SURF4: variants seen among roughly 807,000 people sequenced by gnomAD.
SURF4 encodes surfeit locus protein 4.
Under a neutral mutation model 30.0 loss-of-function variants are expected in SURF4, and 3 were observed. The ratio of observed to expected loss-of-function variants is 0.10; its 90% CI spans 0.05 to 0.26. The LOEUF (loss-of-function observed/expected upper bound fraction) is 0.26, where lower values mean the gene tolerates loss of function less well. Ranked by LOEUF, SURF4 falls within the 10% of genes least tolerant of loss-of-function variation. The pLI, the probability that SURF4 is intolerant of heterozygous loss-of-function variation, is 1.00. For synonymous variants in SURF4, 143 were observed against 139.9 expected, an observed-to-expected ratio of 1.02 and a Z score of -0.16; for missense variants, 217 against 350.8, an observed-to-expected ratio of 0.62 and a Z score of 3.05.
At chr9:133,377,470 A>G (rs2130254365), upstream of SURF4, among the ~76,000 whole-genome samples, 3 of 152,348 alleles carry the variant, frequency 2.0e-5, no homozygotes, top group East Asian at 1.9e-4. Context: ...GTTCAAGACC[A>G]GCCTGACCAA....
chr9:133,376,048 C>A lies in SURF4; in HGVS notation c.-79G>T. Reference sequence around the variant, plus strand: ...CGTCGGCGCCCGCACCCGCTGCGGCCTCCACAGGAAGTGCCCGGCGGCCGG... The same window carrying A: ...CGTCGGCGCCCGCACCCGCTGCGGCATCCACAGGAAGTGCCCGGCGGCCGG... On this transcript the variant is annotated 5_prime_UTR_variant, in exon 1 of 6. It adds an upstream start codon to the 5' untranslated region. Coordinates refer to ENST00000371989, the MANE Select transcript of SURF4 (RefSeq NM_033161.4). 1 of 1,212,076 alleles carries A rather than the reference C, an allele frequency of 8.3e-7. No individual in the cohort carries two copies. Among genetic ancestry groups the A allele is most frequent in the Non-Finnish European group, 1.0e-6 (1 of 974,514 alleles). 75.1% of individuals were successfully genotyped at this position (1,212,076 alleles called of 1,614,324 possible).
At chr9:133,367,483 G>A (rs2130143358) in intron 1 of SURF4, 38 bp from the exon 2 acceptor site, 28 of 1,608,604 alleles carry the variant, frequency 1.7e-5, no homozygotes, top group South Asian at 1.1e-4. Flanking sequence ...AGGTGGCTGC[G>A]GCGGGGAGCA....
chr9:133,364,518 C>T (rs1394451956), intron 5 of SURF4, among the ~76,000 whole-genome samples: 1 of 152,058 alleles, frequency 6.6e-6, no homozygotes, highest in Non-Finnish European at 1.5e-5. Flanking sequence ...CGGTGAAACC[C>T]TGTCTCTACT....
upstream of SURF4, chr9:133,376,639 G>A: frequency 7.5e-7 from 1 of 1,328,376 alleles, no homozygotes; most frequent in South Asian, 1.5e-5. Flanking sequence ...CGGCGGTTCC[G>A]ACCGAGGGCG....
At chr9:133,367,484 G>T in intron 1 of SURF4, 39 bp from the exon 2 acceptor site, 4 of 1,608,462 alleles carry the variant, frequency 2.5e-6, no homozygotes, top group Non-Finnish European at 3.4e-6. Flanking sequence ...GGTGGCTGCG[G>T]CGGGGAGCAC....
intron 1 of SURF4, chr9:133,370,991 A>T: frequency 7.8e-7 from 1 of 1,287,368 alleles, no homozygotes; most frequent in Non-Finnish European, 1.0e-6. Context: ...TATTTCTCTC[A>T]AAGGGGTGGT....
intron 1 of SURF4, among the ~76,000 whole-genome samples, chr9:133,373,099 C>T (rs1438265066): frequency 6.6e-6 from 1 of 152,226 alleles, no homozygotes. Context: ...TAGTGCTCTT[C>T]CCTTGACTTG....
Position 133,364,782 on chromosome 9 carries a change from G to A in SURF4, c.543+58C>T, listed in dbSNP as rs2130108801. 15 of 1,571,266 alleles carry A rather than the reference G, an allele frequency of 9.5e-6. No individual in the cohort carries two copies. The South Asian group carries it at 1.6e-4, about 17-fold the overall frequency. On this transcript the variant is annotated intron_variant, in intron 5 of 5. Transcript: ENST00000371989. ...AGGGAGGGGTGAGCAGGGAGGGGGT[G>A]GGGGAGGGACAGCATTCACAGGAAA...
At position 133,363,979 on chromosome 9, in the gene SURF4, G is replaced by T. The variant is rs1837004060; in HGVS notation, c.544-220C>A. On this transcript the variant is annotated intron_variant, in intron 5 of 5. Transcript: ENST00000371989. The surrounding 1 kb of genome is among the most constrained non-coding windows in gnomAD (Gnocchi z 4.3). ...AAATGTGGAAGGTTTGGGGAAGACT[G>T]AAGTTCCCAACTAGTAACAGGCTGT... 2 of 716,466 alleles carry T rather than the reference G, an allele frequency of 2.8e-6. No homozygotes were observed. Among genetic ancestry groups the T allele is most frequent in the Admixed American group, 2.0e-5 (1 of 48,948 alleles). The allele number at this position is 716,466 out of a possible 1,614,324, so 44.4% of individuals were successfully genotyped here.
intron 1 of SURF4, among the ~76,000 whole-genome samples, chr9:133,374,149 C>T (rs1479765407): frequency 1.3e-5 from 2 of 152,004 alleles, no homozygotes; most frequent in African/African-American, 2.4e-5. Context: ...TAGGGAGCTG[C>T]GACTTGGAGA....
chr9:133,376,561 G>T, upstream of SURF4: 1 of 1,592,574 alleles, frequency 6.3e-7, no homozygotes. Context: ...GAAGTACCAG[G>T]TGCCGAGTGT....
At chr9:133,376,114 A>T (rs1837920868), upstream of SURF4, 1 of 1,202,632 alleles carries the variant, frequency 8.3e-7, no homozygotes, top group Non-Finnish European at 1.0e-6. Flanking sequence ...GCTGCCACGT[A>T]GGCCAAGCCT....
chr9:133,372,078 A>G (rs1837540759), intron 1 of SURF4, among the ~76,000 whole-genome samples: 1 of 152,216 alleles, frequency 6.6e-6, no homozygotes, highest in African/African-American at 2.4e-5. Context: ...AGGCATGGAC[A>G]TTAGTTTGGA....
At position 133,361,920 on chromosome 9, in the gene SURF4, A is replaced by G. The variant is rs1836832176; in HGVS notation, c.*1573T>C. ...CCTGGTGAGGTTGAAACACTGAGAC[A>G]AGCCAGTCTTCATGCAGTGAGCACT... On this transcript the variant is annotated 3_prime_UTR_variant, in exon 6 of 6. Coordinates refer to ENST00000371989, the MANE Select transcript of SURF4 (RefSeq NM_033161.4). The G allele has an allele frequency of 6.6e-6, 1 of 152,282 alleles. No individual in the cohort carries two copies. Among genetic ancestry groups the G allele is most frequent in the Non-Finnish European group, 1.5e-5 (1 of 68,088 alleles). The allele number at this position is 152,282 out of a possible 1,614,324, so 9.4% of individuals were successfully genotyped here.
intron 1 of SURF4, among the ~76,000 whole-genome samples, chr9:133,369,261 G>T (rs1837364690): frequency 6.6e-6 from 1 of 152,172 alleles, no homozygotes; most frequent in African/African-American, 2.4e-5. Context: ...GGAAGTGATG[G>T]GAGAAATCAC....
At chr9:133,372,555 G>A (rs1451046950) in intron 1 of SURF4, 1 of 973,664 alleles carries the variant, frequency 1.0e-6, no homozygotes, top group Non-Finnish European at 1.2e-6. Context: ...CATAATACTG[G>A]AAGACACTGG....
chr9:133,373,009 C>T (rs1454306367), intron 1 of SURF4, among the ~76,000 whole-genome samples: 2 of 152,214 alleles, frequency 1.3e-5, no homozygotes, highest in Non-Finnish European at 2.9e-5. Flanking sequence ...CGGCAGCCTG[C>T]GCTGCCTTAC....
chr9:133,375,901 G>C (rs1837889032), intron 1 of SURF4, 21 bp downstream of exon 1: 2 of 1,223,648 alleles, frequency 1.6e-6, no homozygotes, highest in East Asian at 6.6e-5. Context: ...CGGGGCCGGG[G>C]GAGGAGCCCG....
In SURF4 at chr9:133,362,840, TA is replaced by T. The variant is rs35905067; in HGVS notation, c.*652del. On this transcript the variant is annotated 3_prime_UTR_variant, in exon 6 of 6. Coordinates refer to ENST00000371989, the MANE Select transcript of SURF4 (RefSeq NM_033161.4). ...CTAAAACTCCCAGGGTGTTACCCAA[TA>T]AAACACTTGGCACCAATCCAAGCTG... is the stretch of plus-strand genomic sequence containing the variant. 1 of 158,930 alleles carries T rather than the reference TA, an allele frequency of 6.3e-6. No individual in the cohort carries two copies. The highest frequency in any genetic ancestry group is 1.4e-5 in the Non-Finnish European group (1 of 72,240). 9.8% of individuals were successfully genotyped at this position (158,930 alleles called of 1,614,324 possible).
Sources: allele counts gnomAD v4.1 joint callset (sites outside exome capture counted in the v4.1 genomes callset), GRCh38; gene constraint gnomAD v4.1.1; non-coding constraint Gnocchi (gnomAD v3.1); transcripts MANE v1.5; gene names NCBI Gene and HGNC (gene_info 2026-07-23, HGNC 2026-07-21).